Variants in PTPRG observed in about 807,000 individuals in gnomAD.
PTPRG encodes the protein protein tyrosine phosphatase receptor type G.
In PTPRG, 102 loss-of-function variants were observed where a neutral mutation model predicts 165.3. The observed-to-expected ratio is 0.62, with a 90% CI of 0.53 to 0.73. The LOEUF is 0.73. Among genes scored for constraint, PTPRG ranks in the 30% least tolerant of loss-of-function variants. The probability of loss-of-function intolerance (pLI) is 0.00; values close to 1 mark genes in which losing one functional copy is unlikely to be tolerated. For synonymous variants in PTPRG, 675 were observed against 669.5 expected (o/e 1.01, Z -0.13); for missense variants, 1,866 against 1,861.4 (o/e 1.00, Z -0.05).
chr3:61,570,858 C>G (rs1424196401), intron 1 of PTPRG, among the ~76,000 whole-genome samples: 2 of 152,176 alleles, frequency 1.3e-5, no homozygotes, highest in Non-Finnish European at 2.9e-5. Context: ...AAGCGTTTCT[C>G]TTCAGTAAGT....
Position 62,213,453 on chromosome 3 carries a change from A to G in PTPRG, c.2156-5398A>G, listed in dbSNP as rs952877797. 6.6e-6 allele frequency among the ~76,000 whole-genome samples: 1 copy of G among 152,298 alleles called. No individual in the cohort carries two copies. The highest frequency in any genetic ancestry group is 2.1e-4 in the South Asian group (1 of 4,814). ...TTGCATTTGGTCCTATAAGTTACATAGCCATAACTTACATAGTCTGTTTTC... is the reference window on the plus strand; with the variant it reads ...TTGCATTTGGTCCTATAAGTTACATGGCCATAACTTACATAGTCTGTTTTC... On this transcript the variant is annotated intron_variant, in intron 12 of 29. Transcript: ENST00000474889. This position sits in a 1 kb window ranked among gnomAD's most constrained non-coding sequence, Gnocchi z 4.4.
intron 4 of PTPRG, among the ~76,000 whole-genome samples, chr3:62,040,904 G>A (rs1479131531): frequency 1.3e-5 from 2 of 152,128 alleles, no homozygotes; most frequent in Admixed American, 1.3e-4. Flanking sequence ...GCCATCTTTG[G>A]GTGACTGACT....
chr3:61,585,324 G>T (rs1354766207), intron 1 of PTPRG, among the ~76,000 whole-genome samples: 1 of 151,212 alleles, frequency 6.6e-6, no homozygotes, highest in Admixed American at 6.6e-5. Context: ...GAAAATAGGG[G>T]AATAATTCAT....
At chr3:61,602,618 C>T (rs1700900902) in intron 1 of PTPRG, among the ~76,000 whole-genome samples, 1 of 152,224 alleles carries the variant, frequency 6.6e-6, no homozygotes, top group Admixed American at 6.5e-5. Flanking sequence ...ATTAACCAGA[C>T]ACTGTCTATT....
chr3:62,263,198 C>G (rs1430056424), intron 17 of PTPRG: 1 of 263,050 alleles, frequency 3.8e-6, no homozygotes, highest in Non-Finnish European at 7.2e-6. Context: ...TTGAATGTCA[C>G]TTGGTTACAC....
At chr3:62,018,821 T>C (rs1042489848) in intron 4 of PTPRG, among the ~76,000 whole-genome samples, 2 of 151,918 alleles carry the variant, frequency 1.3e-5, no homozygotes, top group African/African-American at 4.8e-5. Context: ...TATGGATCAG[T>C]GTATGGGTTG....
At chr3:61,906,410 C>A (rs1006616036) in intron 2 of PTPRG, among the ~76,000 whole-genome samples, 3 of 151,208 alleles carry the variant, frequency 2.0e-5, no homozygotes, top group Non-Finnish European at 4.4e-5. Context: ...GAGCCGAGAT[C>A]ATGCCATTGC....
At chr3:62,052,383 A>G (rs1700494676) in intron 4 of PTPRG, among the ~76,000 whole-genome samples, 1 of 152,186 alleles carries the variant, frequency 6.6e-6, no homozygotes, top group Admixed American at 6.5e-5. Flanking sequence ...TACATGATCT[A>G]AAGAAATGCA....
At chr3:61,963,366 A>G (rs1037307077) in intron 2 of PTPRG, among the ~76,000 whole-genome samples, 5 of 152,194 alleles carry the variant, frequency 3.3e-5, no homozygotes, top group Non-Finnish European at 5.9e-5. Flanking sequence ...GTAACAAACC[A>G]TGAACTGCAG....
At chr3:61,776,067 T>TA (rs2034372853) in intron 2 of PTPRG, among the ~76,000 whole-genome samples, 1 of 136,988 alleles carries the variant, frequency 7.3e-6, no homozygotes, top group African/African-American at 2.7e-5. Context: ...CCCTAAAACT[T>TA]AAAGTATAAT....
chr3:61,692,107 C>T (rs150894020), intron 1 of PTPRG, among the ~76,000 whole-genome samples: 9 of 152,304 alleles, frequency 5.9e-5, no homozygotes, highest in Admixed American at 1.3e-4. Context: ...TCTTCTGCTC[C>T]TACGCAGAGT....
chr3:62,031,094 G>T (rs1453748827), intron 4 of PTPRG, among the ~76,000 whole-genome samples: 1 of 152,196 alleles, frequency 6.6e-6, no homozygotes, highest in African/African-American at 2.4e-5. Flanking sequence ...TTTAACAAAA[G>T]TATTGAAGGA....
At chr3:61,878,811 G>A (rs924943589) in intron 2 of PTPRG, among the ~76,000 whole-genome samples, 2 of 152,132 alleles carry the variant, frequency 1.3e-5, no homozygotes, top group African/African-American at 4.8e-5. Flanking sequence ...GCCCCCAGGT[G>A]TATAAAACAC....
chr3:61,849,647 A>G (rs1294993209), intron 2 of PTPRG, among the ~76,000 whole-genome samples: 2 of 152,222 alleles, frequency 1.3e-5, no homozygotes, highest in African/African-American at 4.8e-5. Context: ...CAAAAGATAA[A>G]TGCACTGAGA....
At chr3:62,118,926 A>G (rs1446199518) in intron 5 of PTPRG, among the ~76,000 whole-genome samples, 1 of 152,214 alleles carries the variant, frequency 6.6e-6, no homozygotes, top group African/African-American at 2.4e-5. Context: ...TTTTAGCTTC[A>G]TCCTCCTTAA....
intron 2 of PTPRG, among the ~76,000 whole-genome samples, chr3:61,831,962 TG>T (rs2036308953): frequency 2.0e-5 from 3 of 152,250 alleles, no homozygotes; most frequent in African/African-American, 7.2e-5. Flanking sequence ...CTATTCTAGG[TG>T]GTTTGTTTTT....
At chr3:61,877,920 A>G (rs1045228319) in intron 2 of PTPRG, among the ~76,000 whole-genome samples, 9 of 152,206 alleles carry the variant, frequency 5.9e-5, no homozygotes, top group African/African-American at 1.7e-4. Context: ...AAATGTCCCT[A>G]TCATTCTTTG....
chr3:61,671,472 A>C (rs1702984796), intron 1 of PTPRG, among the ~76,000 whole-genome samples: 1 of 151,292 alleles, frequency 6.6e-6, no homozygotes, highest in African/African-American at 2.4e-5. Flanking sequence ...TCACAGATCA[A>C]CAGGATCCCA....
intron 2 of PTPRG, among the ~76,000 whole-genome samples, chr3:61,778,106 A>G (rs571189369): frequency 6.6e-6 from 1 of 152,204 alleles, no homozygotes; most frequent in African/African-American, 2.4e-5. Context: ...GAGGGTCTCA[A>G]CTGCAAGTTA....
Sources: gnomAD v4.1 joint callset for allele counts (sites outside exome capture counted in the v4.1 genomes callset) on GRCh38, gnomAD v4.1.1 for gene constraint, Gnocchi (gnomAD v3.1) non-coding constraint, MANE v1.5 for transcripts, NCBI Gene and HGNC (gene_info 2026-07-23, HGNC 2026-07-21) for gene names.